Variants in GABRB1 observed in about 807,000 individuals in gnomAD.
The protein encoded by GABRB1 is gamma-aminobutyric acid type A receptor subunit beta1.
Under a neutral mutation model 51.6 loss-of-function variants are expected in GABRB1, and 17 were observed. The observed-to-expected ratio is 0.33, with a 90% CI of 0.23 to 0.49. GABRB1 has a LOEUF of 0.49. GABRB1 is among the 20% of genes least tolerant of loss of function. The pLI, the probability that GABRB1 is intolerant of heterozygous loss-of-function variation, is 0.99. For synonymous variants in GABRB1, 247 were observed against 218.9 expected (o/e 1.13, Z -1.14); for missense variants, 410 against 600.6 (o/e 0.68, Z 3.32).
At chr4:47,296,572 A>T (rs976490623) in intron 4 of GABRB1, among the ~76,000 whole-genome samples, 2 of 152,226 alleles carry the variant, frequency 1.3e-5, no homozygotes, top group Admixed American at 1.3e-4. Context: ...TCCTAAATAT[A>T]TATGCACCCA....
At chr4:47,314,339 G>A (rs1724809071) in intron 4 of GABRB1, among the ~76,000 whole-genome samples, 1 of 151,982 alleles carries the variant, frequency 6.6e-6, no homozygotes, top group South Asian at 2.1e-4. Context: ...ATACACATGA[G>A]ACATTAACTA....
chr4:47,267,761 C>CTGGA (rs1722697723), intron 4 of GABRB1, among the ~76,000 whole-genome samples: 1 of 152,020 alleles, frequency 6.6e-6, no homozygotes. Context: ...CACCATTGCA[C>CTGGA]TCCAGCCTGG....
At position 47,246,299 on chromosome 4, in the gene GABRB1, T is replaced by TATAC. The variant is rs1329276891; in HGVS notation, c.462-73827_462-73826insTACA. 6.8e-4 allele frequency among the ~76,000 whole-genome samples: 57 copies of TATAC among 84,136 alleles called. 3 individuals carry two copies. Among genetic ancestry groups the TATAC allele is most frequent in the African/African-American group, 2.1e-3 (45 of 21,298 alleles). The allele number at this position is 84,136 out of a possible 152,430, so 55.2% of individuals were successfully genotyped here. On this transcript the variant is annotated intron_variant, in intron 4 of 8. Transcript: ENST00000295454. ...CATCATATATATATATATATATATA[T>TATAC]ACACACACACACACACACACACACA...
Position 47,096,212 on chromosome 4 carries a change from G to T in GABRB1, c.240+63728G>T, listed in dbSNP as rs183991928. 4.6e-5 allele frequency among the ~76,000 whole-genome samples: 7 copies of T among 152,184 alleles called. No homozygotes were observed. The East Asian group carries it at 1.2e-3, about 25-fold the overall frequency. On this transcript the variant is annotated intron_variant, in intron 3 of 8. Coordinates refer to ENST00000295454, the MANE Select transcript of GABRB1 (RefSeq NM_000812.4). Reference sequence around the variant, plus strand: ...CATATAGCTTTCCAAACCCTATATTGCTTTTAGGTCCTAGAAGTATTTTGC... The same window carrying T: ...CATATAGCTTTCCAAACCCTATATTTCTTTTAGGTCCTAGAAGTATTTTGC...
chr4:47,345,918 G>C (rs1377808472), intron 5 of GABRB1, among the ~76,000 whole-genome samples: 3 of 152,076 alleles, frequency 2.0e-5, no homozygotes, highest in Non-Finnish European at 4.4e-5. Flanking sequence ...TGGCATGTGT[G>C]CAGACCAGAC....
chr4:47,086,142 G>T (rs756285857), intron 3 of GABRB1, among the ~76,000 whole-genome samples: 1 of 152,206 alleles, frequency 6.6e-6, no homozygotes, highest in Non-Finnish European at 1.5e-5. Flanking sequence ...TGTTAAAAGA[G>T]GGAGAGTTCT....
intron 4 of GABRB1, among the ~76,000 whole-genome samples, chr4:47,200,376 G>T (rs1009016731): frequency 6.6e-6 from 1 of 152,108 alleles, no homozygotes; most frequent in Non-Finnish European, 1.5e-5. Flanking sequence ...CAGCTGCTGA[G>T]ACACCAGGAC....
At chr4:47,407,897 G>C (rs1728629521) in intron 8 of GABRB1, among the ~76,000 whole-genome samples, 1 of 152,130 alleles carries the variant, frequency 6.6e-6, no homozygotes, top group African/African-American at 2.4e-5. Context: ...TTTGAGACCA[G>C]CCTGGGCAAC....
chr4:47,058,523 C>T (rs2109522553), intron 3 of GABRB1, among the ~76,000 whole-genome samples: 1 of 152,202 alleles, frequency 6.6e-6, no homozygotes, highest in Non-Finnish European at 1.5e-5. Flanking sequence ...CACTGGATAT[C>T]CATGCATCCG....
intron 4 of GABRB1, among the ~76,000 whole-genome samples, chr4:47,294,532 A>T (rs189784607): frequency 2.4e-4 from 36 of 152,350 alleles, no homozygotes; most frequent in African/African-American, 7.9e-4. Context: ...TCAAACTGCA[A>T]GGTGGCAGCG....
At chr4:47,325,754 G>A (rs549238362) in intron 5 of GABRB1, among the ~76,000 whole-genome samples, 115 of 152,270 alleles carry the variant, frequency 7.6e-4, no homozygotes, top group Non-Finnish European at 1.5e-3. Context: ...ACCTTCGATA[G>A]GAGGCTTTCT....
intron 1 of GABRB1, among the ~76,000 whole-genome samples, chr4:47,011,091 A>G (rs1724569251): frequency 6.6e-6 from 1 of 152,190 alleles, no homozygotes; most frequent in South Asian, 2.1e-4. Flanking sequence ...TGAAAGCATT[A>G]GACTAGTTGC....
At chr4:47,339,091 C>T (rs148087042) in intron 5 of GABRB1, among the ~76,000 whole-genome samples, 1 of 152,224 alleles carries the variant, frequency 6.6e-6, no homozygotes, top group East Asian at 1.9e-4. Flanking sequence ...GCAAAACAAG[C>T]CCCAGCTCTA....
chr4:47,249,633 G>A (rs908536897), intron 4 of GABRB1, among the ~76,000 whole-genome samples: 4 of 152,084 alleles, frequency 2.6e-5, no homozygotes, highest in African/African-American at 9.7e-5. Context: ...ATATGTTTAG[G>A]ATTGTGATAT....
chr4:47,425,547 G>A (rs1729253284), intron 8 of GABRB1, 127 bp from the exon 9 acceptor site: 1 of 675,528 alleles, frequency 1.5e-6, no homozygotes, highest in African/African-American at 1.8e-5. Flanking sequence ...CATCAGGGAG[G>A]CACATCAAGC....
intron 3 of GABRB1, among the ~76,000 whole-genome samples, chr4:47,111,495 G>T (rs1270189234): frequency 6.6e-6 from 1 of 152,002 alleles, no homozygotes; most frequent in Non-Finnish European, 1.5e-5. Context: ...AGGGACAGAG[G>T]ACAGTAGAAT....
At chr4:47,207,191 G>A (rs747300835) in intron 4 of GABRB1, among the ~76,000 whole-genome samples, 2 of 151,824 alleles carry the variant, frequency 1.3e-5, no homozygotes, top group African/African-American at 2.4e-5. Flanking sequence ...CTCATATAAG[G>A]TTAGCTCATT....
At chr4:47,017,007 T>A (rs978087058) in intron 1 of GABRB1, among the ~76,000 whole-genome samples, 1 of 152,216 alleles carries the variant, frequency 6.6e-6, no homozygotes, top group Non-Finnish European at 1.5e-5. Context: ...TAACTTTTAA[T>A]ACATAACAAA....
At chr4:47,297,652 G>T (rs908782760) in intron 4 of GABRB1, among the ~76,000 whole-genome samples, 6 of 152,142 alleles carry the variant, frequency 3.9e-5, no homozygotes, top group African/African-American at 1.4e-4. Context: ...GGACCAGATG[G>T]ATTCACAGCC....
Sources: allele counts gnomAD v4.1 joint callset (sites outside exome capture counted in the v4.1 genomes callset), GRCh38; gene constraint gnomAD v4.1.1; transcripts MANE v1.5; gene names NCBI Gene and HGNC (gene_info 2026-07-23, HGNC 2026-07-21).